LYPLAL1: variants seen among roughly 807,000 people sequenced by gnomAD.
The protein encoded by LYPLAL1 is lysophospholipase like 1.
In LYPLAL1, 23 loss-of-function variants were observed where a neutral mutation model predicts 19.7. The ratio of observed to expected loss-of-function variants is 1.17; its 90% confidence interval spans 0.84 to 1.65. The LOEUF is 1.65. Among genes scored for constraint, LYPLAL1 ranks in the 40% most tolerant of loss-of-function variants. The pLI is 0.00. For missense variants in LYPLAL1, 355 were observed against 279.4 expected (o/e 1.27, Z -1.93); for synonymous variants, 119 against 96.3 (o/e 1.24, Z -1.38).
At chr1:219,394,462 T>C in the LYPLAL1 span, among the ~76,000 whole-genome samples, 1 of 152,180 alleles carries the variant, frequency 6.6e-6, no homozygotes, top group Admixed American at 6.5e-5. Context: ...ATGGAACTTG[T>C]GTACCCATTA....
rs538292636 is a variant in LYPLAL1, at chr1:219,203,225, A to G, written c.362-7307A>G. 1.2e-4 allele frequency among the ~76,000 whole-genome samples: 18 copies of G among 152,212 alleles called. 1 individual carries two copies. The highest frequency in any genetic ancestry group is 3.9e-4 in the African/African-American group (16 of 41,536). On this transcript the variant is annotated intron_variant, in intron 3 of 4. Transcript: ENST00000366928. ...ACTACTCTCTGTATTTGATGTAGAT[A>G]GGAGCCCATTCTTTGCGGTTTTATT...
the LYPLAL1 span, among the ~76,000 whole-genome samples, chr1:219,344,704 A>G: frequency 6.6e-6 from 1 of 152,118 alleles, no homozygotes; most frequent in Non-Finnish European, 1.5e-5. Flanking sequence ...ACATCCCCAG[A>G]CTTCCTAATG....
chr1:219,326,575 G>A, the LYPLAL1 span, among the ~76,000 whole-genome samples: 4 of 152,100 alleles, frequency 2.6e-5, no homozygotes, highest in Non-Finnish European at 4.4e-5. Context: ...CTAAGGCCCC[G>A]TATCAACAAG....
chr1:219,331,847 A>G, the LYPLAL1 span, among the ~76,000 whole-genome samples: 1 of 152,124 alleles, frequency 6.6e-6, no homozygotes, highest in Non-Finnish European at 1.5e-5. Flanking sequence ...GCCACACAAC[A>G]TCTTTCCCTT....
chr1:219,263,363 G>A, the LYPLAL1 span, among the ~76,000 whole-genome samples: 10 of 152,118 alleles, frequency 6.6e-5, no homozygotes, highest in Non-Finnish European at 1.2e-4. Context: ...ATAGTGCCAA[G>A]TTTATATCCA....
At chr1:219,428,823 C>T in the LYPLAL1 span, among the ~76,000 whole-genome samples, 1 of 152,142 alleles carries the variant, frequency 6.6e-6, no homozygotes, top group Non-Finnish European at 1.5e-5. Context: ...CTTGGCAGTA[C>T]GTTTTCATTT....
At chr1:219,353,521 C>T in the LYPLAL1 span, among the ~76,000 whole-genome samples, 77 of 152,294 alleles carry the variant, frequency 5.1e-4, no homozygotes, top group Admixed American at 1.2e-3. Context: ...ACATCAAAGG[C>T]ATTTGATAGG....
At chr1:219,366,880 G>A in the LYPLAL1 span, among the ~76,000 whole-genome samples, 1 of 151,834 alleles carries the variant, frequency 6.6e-6, no homozygotes, top group African/African-American at 2.4e-5. Context: ...CCCTTCTTCT[G>A]TTTGTGAATG....
chr1:219,280,914 C>T, the LYPLAL1 span, among the ~76,000 whole-genome samples: 21 of 152,034 alleles, frequency 1.4e-4, no homozygotes, highest in African/African-American at 3.9e-4. Flanking sequence ...CCAAGTGTGG[C>T]GGCGGGCGCC....
the LYPLAL1 span, among the ~76,000 whole-genome samples, chr1:219,326,691 G>C: frequency 9.9e-4 from 150 of 152,256 alleles, 1 homozygote; most frequent in South Asian, 2.3e-3. Context: ...TTATCAATTT[G>C]ACAGTGAGAA....
the LYPLAL1 span, among the ~76,000 whole-genome samples, chr1:219,304,795 A>G: frequency 3.3e-5 from 5 of 152,154 alleles, no homozygotes; most frequent in Middle Eastern, 3.2e-3. Context: ...GTCTACACAG[A>G]TCTCTGAGGG....
At chr1:219,364,855 T>A in the LYPLAL1 span, among the ~76,000 whole-genome samples, 2 of 152,154 alleles carry the variant, frequency 1.3e-5, no homozygotes, top group Non-Finnish European at 2.9e-5. Context: ...GTCAAGTTAC[T>A]TGCCTATTTG....
At chr1:219,351,616 G>A in the LYPLAL1 span, among the ~76,000 whole-genome samples, 1 of 151,522 alleles carries the variant, frequency 6.6e-6, no homozygotes, top group African/African-American at 2.4e-5. Flanking sequence ...TTCTTATAAG[G>A]GAAATAAAAA....
the LYPLAL1 span, among the ~76,000 whole-genome samples, chr1:219,320,769 C>G: frequency 6.6e-6 from 1 of 152,196 alleles, no homozygotes; most frequent in African/African-American, 2.4e-5. Flanking sequence ...AGGAAACAAA[C>G]TCATCCTTTT....
chr1:219,295,803 G>T, the LYPLAL1 span, among the ~76,000 whole-genome samples: 1 of 152,104 alleles, frequency 6.6e-6, no homozygotes, highest in Non-Finnish European at 1.5e-5. Flanking sequence ...TTTGCTTACA[G>T]AATCAAATCC....
chr1:219,403,026 G>A, the LYPLAL1 span, among the ~76,000 whole-genome samples: 4 of 152,206 alleles, frequency 2.6e-5, no homozygotes, highest in African/African-American at 9.7e-5. Context: ...AGAATAAAGA[G>A]GGATTGAAAT....
At chr1:219,355,227 T>C in the LYPLAL1 span, among the ~76,000 whole-genome samples, 15 of 152,340 alleles carry the variant, frequency 9.8e-5, no homozygotes, top group South Asian at 3.1e-3. Flanking sequence ...GGAACTGATA[T>C]GGCTAGTGGC....
the LYPLAL1 span, among the ~76,000 whole-genome samples, chr1:219,258,655 C>T: frequency 6.6e-5 from 10 of 151,930 alleles, no homozygotes; most frequent in African/African-American, 2.2e-4. Flanking sequence ...GGGTATAAAT[C>T]GGCCATCTTC....
intron 3 of LYPLAL1, among the ~76,000 whole-genome samples, chr1:219,194,164 G>A (rs951249127): frequency 6.6e-6 from 1 of 151,788 alleles, no homozygotes; most frequent in Non-Finnish European, 1.5e-5. Context: ...GTGGCCTCTA[G>A]CATAACAACA....
Sources: allele counts gnomAD v4.1 joint callset (sites outside exome capture counted in the v4.1 genomes callset), GRCh38; gene constraint gnomAD v4.1.1; transcripts MANE v1.5; gene names NCBI Gene and HGNC (gene_info 2026-07-23, HGNC 2026-07-21).